DPYD: variants seen among roughly 807,000 people sequenced by gnomAD.
DPYD encodes the protein dihydropyrimidine dehydrogenase, also known as dihydropyrimidine dehydrogenase [NADP(+)].
Under a neutral mutation model 116.2 loss-of-function variants are expected in DPYD, and 109 were observed. That is an observed-to-expected ratio of 0.94 (90% CI 0.80 to 1.10). The LOEUF is 1.10. DPYD is among the 50% of genes least tolerant of loss of function. DPYD has a pLI of 0.00. For synonymous variants in DPYD, 440 were observed against 432.0 expected (o/e 1.02, Z -0.23); for missense variants, 1,302 against 1,254.5 (o/e 1.04, Z -0.57).
At chr1:97,301,748 T>C (rs970568200) in intron 18 of DPYD, among the ~76,000 whole-genome samples, 3 of 152,062 alleles carry the variant, frequency 2.0e-5, no homozygotes, top group Admixed American at 6.6e-5. Flanking sequence ...GCTTATGCCA[T>C]GCAGGACTGA....
At chr1:97,853,355 ACT>A (rs1395566053) in intron 2 of DPYD, among the ~76,000 whole-genome samples, 1 of 151,972 alleles carries the variant, frequency 6.6e-6, no homozygotes, top group African/African-American at 2.4e-5. Context: ...CATTCAATAA[ACT>A]CTCTGGGTAT....
intron 7 of DPYD, among the ~76,000 whole-genome samples, chr1:97,682,526 G>C (rs975319770): frequency 1.3e-5 from 2 of 152,052 alleles, no homozygotes; most frequent in African/African-American, 4.8e-5. Flanking sequence ...TTAGAAGAAA[G>C]ATTCCTTGAC....
intron 3 of DPYD, among the ~76,000 whole-genome samples, chr1:97,765,358 G>C (rs1277880912): frequency 6.6e-6 from 1 of 152,242 alleles, no homozygotes; most frequent in African/African-American, 2.4e-5. Context: ...GCTATATAGA[G>C]AGGCTACTAG....
chr1:97,410,353 T>C (rs939292486), intron 14 of DPYD, among the ~76,000 whole-genome samples: 2 of 152,138 alleles, frequency 1.3e-5, no homozygotes, highest in Non-Finnish European at 2.9e-5. Flanking sequence ...ACCCGATATA[T>C]AAAATGAAAA....
chr1:97,631,554 T>C (rs1018765177), intron 8 of DPYD, among the ~76,000 whole-genome samples: 2 of 151,876 alleles, frequency 1.3e-5, no homozygotes, highest in Non-Finnish European at 2.9e-5. Context: ...AGCAAATGTA[T>C]AAAGCAAAAA....
chr1:97,450,956 C>T (rs1676382476), intron 13 of DPYD, among the ~76,000 whole-genome samples: 1 of 152,050 alleles, frequency 6.6e-6, no homozygotes, highest in South Asian at 2.1e-4. Flanking sequence ...TCTTCCATTA[C>T]TTAAAACTAA....
intron 1 of DPYD, 38 bp downstream of exon 1, chr1:97,920,838 TCCCCACCA>T (rs752453798): frequency 6.4e-7 from 1 of 1,567,332 alleles, no homozygotes; most frequent in South Asian, 1.2e-5. Flanking sequence ...CGCAGAGCAC[TCCCCACCA>T]CCCCGCCACC....
intron 2 of DPYD, among the ~76,000 whole-genome samples, chr1:97,833,137 T>G (rs1263542584): frequency 6.6e-6 from 1 of 152,058 alleles, no homozygotes; most frequent in Non-Finnish European, 1.5e-5. Context: ...ATCTAAAATT[T>G]ATATACAAAC....
intron 5 of DPYD, chr1:97,719,722 A>G: frequency 1.0e-6 from 1 of 985,074 alleles, no homozygotes; most frequent in South Asian, 4.7e-5. Flanking sequence ...AGGCACCCTA[A>G]TCGGCCAACC....
chr1:97,658,165 C>T (rs973351171), intron 8 of DPYD, among the ~76,000 whole-genome samples: 7 of 152,116 alleles, frequency 4.6e-5, no homozygotes, highest in Non-Finnish European at 7.4e-5. Context: ...CTCTATTACA[C>T]ACTTAAATTA....
intron 1 of DPYD, among the ~76,000 whole-genome samples, chr1:97,919,136 T>C (rs1207768135): frequency 6.6e-6 from 1 of 152,228 alleles, no homozygotes; most frequent in East Asian, 1.9e-4. Flanking sequence ...TTCTAGCTCA[T>C]GAATCACGGG....
intron 2 of DPYD, among the ~76,000 whole-genome samples, chr1:97,877,098 G>A (rs764799435): frequency 6.6e-6 from 1 of 152,034 alleles, no homozygotes; most frequent in Non-Finnish European, 1.5e-5. Context: ...GAAGCCCTGG[G>A]AGAGTAGATT....
At chr1:97,545,633 C>T (rs183640966) in intron 12 of DPYD, 116 of 607,344 alleles carry the variant, frequency 1.9e-4, no homozygotes, top group African/African-American at 1.6e-3. Flanking sequence ...AAGAGAGTGC[C>T]CTGTTGGAGG....
chr1:97,699,375 T>C lies in DPYD; in HGVS notation c.656A>G (p.Lys219Arg), dbSNP rs781184141. ...CCTTAAACCACCAACATATTCTTGTTTTTCAAATATAGTGATGTCAGAGTA... is the reference window on the plus strand; with the variant it reads ...CCTTAAACCACCAACATATTCTTGTCTTTCAAATATAGTGATGTCAGAGTA... Reference protein sequence around the residue: ...LGYSDITIFEKQEYVGGLSTS... With the variant: ...LGYSDITIFERQEYVGGLSTS... The change falls in exon 6 of 23, where the codon AAA becomes AGA. Residue 219 changes from lysine (K) to arginine (R), a missense_variant. Lys to Arg is a conservative substitution (Grantham distance 26, BLOSUM62 2). Coordinates refer to ENST00000370192, the MANE Select transcript of DPYD (RefSeq NM_000110.4). The C allele has an allele frequency of 2.5e-5, 40 of 1,613,498 alleles. No homozygotes were observed. The highest frequency in any genetic ancestry group is 3.3e-5 in the Non-Finnish European group (39 of 1,179,626).
At chr1:97,505,659 C>T (rs11165886) in intron 13 of DPYD, among the ~76,000 whole-genome samples, 43,001 of 151,650 alleles carry the variant, frequency 0.28, 6,196 homozygotes, top group East Asian at 0.48. Context: ...CCATACATTA[C>T]ACACATATAC....
chr1:97,635,399 G>A (rs1657502843), intron 8 of DPYD, among the ~76,000 whole-genome samples: 2 of 152,082 alleles, frequency 1.3e-5, no homozygotes, highest in East Asian at 1.9e-4. Flanking sequence ...CCAGGGTGCA[G>A]TTCTTGGGAT....
intron 1 of DPYD, among the ~76,000 whole-genome samples, chr1:97,884,858 T>C (rs1216742628): frequency 6.6e-6 from 1 of 152,032 alleles, no homozygotes; most frequent in Non-Finnish European, 1.5e-5. Flanking sequence ...AAAATAGTAA[T>C]TCAAAAATCA....
intron 12 of DPYD, among the ~76,000 whole-genome samples, chr1:97,520,608 A>C (rs1648574916): frequency 6.6e-6 from 1 of 152,054 alleles, no homozygotes; most frequent in Non-Finnish European, 1.5e-5. Flanking sequence ...TATTTCTCCT[A>C]ATGCTATCCC....
intron 12 of DPYD, among the ~76,000 whole-genome samples, chr1:97,543,325 C>T (rs1442359259): frequency 6.6e-6 from 1 of 151,920 alleles, no homozygotes; most frequent in Non-Finnish European, 1.5e-5. Flanking sequence ...AAGTGTGGGC[C>T]CAAAGGCTAT....
Sources: allele counts gnomAD v4.1 joint callset (sites outside exome capture counted in the v4.1 genomes callset), GRCh38; gene constraint gnomAD v4.1.1; transcripts MANE v1.5; gene names NCBI Gene and HGNC (gene_info 2026-07-23, HGNC 2026-07-21).